The following NUP210L variants were observed in gnomAD, a reference collection of about 807,000 sequenced individuals.
NUP210L encodes the protein nucleoporin 210 like.
A neutral mutation model predicts 208.5 loss-of-function variants in NUP210L; 74 were observed. The observed-to-expected ratio is 0.35, with a 90% CI of 0.29 to 0.43. The LOEUF (loss-of-function observed/expected upper bound fraction) is 0.43, where lower values mean the gene tolerates loss of function less well. Ranked by LOEUF, NUP210L falls within the 20% of genes least tolerant of loss-of-function variation. The pLI is 1.00. For missense variants in NUP210L, 1,843 were observed against 2,289.4 expected, an observed-to-expected ratio of 0.81 and a Z score of 3.98; for synonymous variants, 780 against 816.9, an observed-to-expected ratio of 0.95 and a Z score of 0.77.
At chr1:154,058,737 T>G (rs367786284) in intron 20 of NUP210L, 44 bp from the exon 21 acceptor site, 3 of 1,596,612 alleles carry the variant, frequency 1.9e-6, no homozygotes, top group Non-Finnish European at 2.6e-6. Context: ...GCAAACATGC[T>G]CCAAGCATAA....
chr1:154,055,219 C>CTCTT (rs778867875), intron 23 of NUP210L, among the ~76,000 whole-genome samples: 105 of 142,218 alleles, frequency 7.4e-4, no homozygotes, highest in South Asian at 4.5e-3. Context: ...CTCTCCCTCT[C>CTCTT]TCTTTCTTTC....
chr1:154,025,500 A>C, intron 30 of NUP210L, 42 bp downstream of exon 30: 1 of 1,360,978 alleles, frequency 7.3e-7, no homozygotes, highest in Non-Finnish European at 9.8e-7. Context: ...CCAGGGTATG[A>C]CTTTTATTTA....
At chr1:154,074,962 T>C (rs182689290) in intron 16 of NUP210L, among the ~76,000 whole-genome samples, 2 of 152,340 alleles carry the variant, frequency 1.3e-5, no homozygotes, top group Admixed American at 6.5e-5. Context: ...CATTATTTTT[T>C]GGATGCTCAG....
At chr1:154,107,066 C>T (rs1422953049) in intron 12 of NUP210L, among the ~76,000 whole-genome samples, 2 of 152,114 alleles carry the variant, frequency 1.3e-5, no homozygotes, top group Non-Finnish European at 2.9e-5. Context: ...TATGACCTTA[C>T]AGACAAAGAG....
At chr1:154,011,288 A>G (rs1055935680) in intron 34 of NUP210L, among the ~76,000 whole-genome samples, 4 of 150,258 alleles carry the variant, frequency 2.7e-5, no homozygotes, top group Non-Finnish European at 5.9e-5. Flanking sequence ...CAGTGGCACA[A>G]TCTCAGCTCA....
At chr1:154,097,847 T>C (rs1033353229) in intron 14 of NUP210L, among the ~76,000 whole-genome samples, 2 of 152,160 alleles carry the variant, frequency 1.3e-5, no homozygotes, top group Admixed American at 6.5e-5. Context: ...TACTTTTATT[T>C]TGAACTGTTG....
rs143178170 is a variant in NUP210L at position 154,042,083 on chromosome 1, C to G, written c.3696+3986G>C. Among the ~76,000 whole-genome samples, 135 of 151,932 alleles carry G rather than the reference C, an allele frequency of 8.9e-4. 1 individual carries two copies. The highest frequency in any genetic ancestry group is 3.1e-3 in the African/African-American group (130 of 41,462). ...AAATCTACCCATTGGAGCAAGAAGG[C>G]CTTTCCCTCTCTCTCTCTCTCTTTT... is the stretch of plus-strand genomic sequence containing the variant. On this transcript the variant is annotated intron_variant, in intron 27 of 39. Transcript: ENST00000368559.
chr1:154,134,784 G>A (rs1207891415), intron 7 of NUP210L, among the ~76,000 whole-genome samples: 1 of 150,256 alleles, frequency 6.7e-6, no homozygotes, highest in African/African-American at 2.4e-5. Flanking sequence ...TGCCCAGGCT[G>A]GAGTGCAGTG....
intron 14 of NUP210L, among the ~76,000 whole-genome samples, chr1:154,095,783 C>A (rs986539625): frequency 6.6e-6 from 1 of 152,128 alleles, no homozygotes; most frequent in Admixed American, 6.6e-5. Context: ...CACCATATTT[C>A]TCCAAGAACT....
intron 35 of NUP210L, among the ~76,000 whole-genome samples, chr1:154,004,282 G>A (rs544248316): frequency 2.6e-5 from 4 of 152,078 alleles, no homozygotes; most frequent in Non-Finnish European, 5.9e-5. Context: ...TGTTAGCCAA[G>A]ATGGTCTCGA....
chr1:154,149,820 C>A (rs184883942), intron 2 of NUP210L, among the ~76,000 whole-genome samples: 1 of 152,250 alleles, frequency 6.6e-6, no homozygotes, highest in African/African-American at 2.4e-5. Flanking sequence ...GAAGAGAATA[C>A]AACTTTATTA....
At chr1:154,062,669 C>T (rs565265534) in intron 17 of NUP210L, among the ~76,000 whole-genome samples, 30 of 144,724 alleles carry the variant, frequency 2.1e-4, no homozygotes, top group Middle Eastern at 3.8e-3. Flanking sequence ...TTTACTGCAA[C>T]CTCTACCTAC....
intron 20 of NUP210L, among the ~76,000 whole-genome samples, chr1:154,059,334 CAA>C (rs576725365): frequency 1.2e-4 from 14 of 121,584 alleles, no homozygotes; most frequent in Admixed American, 1.7e-4. Flanking sequence ...GACCTTGTCT[CAA>C]AAAAAAAAAA....
At chr1:154,027,805 C>T (rs1651985436) in intron 28 of NUP210L, among the ~76,000 whole-genome samples, 1 of 152,136 alleles carries the variant, frequency 6.6e-6, no homozygotes, top group Admixed American at 6.6e-5. Flanking sequence ...ACTAGATATT[C>T]TAGAAGATAT....
intron 27 of NUP210L, among the ~76,000 whole-genome samples, chr1:154,034,749 A>G (rs1004603640): frequency 6.7e-6 from 1 of 150,212 alleles, no homozygotes; most frequent in African/African-American, 2.5e-5. Context: ...GAATTTATCT[A>G]TTTCTTCTAG....
chr1:154,055,181 TTC>T (rs1414532109), intron 23 of NUP210L, among the ~76,000 whole-genome samples: 1 of 143,678 alleles, frequency 7.0e-6, no homozygotes, highest in Non-Finnish European at 1.5e-5. Context: ...CTTTCTTTCT[TTC>T]TTTCTTTTTC....
At chr1:154,084,315 G>A (rs920705914) in intron 16 of NUP210L, among the ~76,000 whole-genome samples, 9 of 151,260 alleles carry the variant, frequency 6.0e-5, no homozygotes, top group African/African-American at 1.9e-4. Flanking sequence ...GGGTTCAAGC[G>A]ATTCTCATAC....
At chr1:154,011,775 G>A (rs761573804) in intron 34 of NUP210L, among the ~76,000 whole-genome samples, 13 of 128,204 alleles carry the variant, frequency 1.0e-4, no homozygotes, top group Non-Finnish European at 1.7e-4. Context: ...TCTAACCCCC[G>A]CTTCCCGGGT....
At chr1:154,054,007 C>A (rs1275236799) in intron 25 of NUP210L, among the ~76,000 whole-genome samples, 1 of 152,170 alleles carries the variant, frequency 6.6e-6, no homozygotes, top group Non-Finnish European at 1.5e-5. Flanking sequence ...TCAAAGCATT[C>A]TTTAAGGATG....
Sources: gnomAD v4.1 joint callset for allele counts (sites outside exome capture counted in the v4.1 genomes callset) on GRCh38, gnomAD v4.1.1 for gene constraint, MANE v1.5 for transcripts, NCBI Gene and HGNC (gene_info 2026-07-23, HGNC 2026-07-21) for gene names.